Variants in MYPN observed in about 807,000 individuals in gnomAD.
MYPN encodes the protein myopalladin, also known as sarcomeric protein myopalladin, 145 kDa (MYOP).
A neutral mutation model predicts 129.4 loss-of-function variants in MYPN; 63 were observed. The ratio of observed to expected loss-of-function variants is 0.49; its 90% CI spans 0.40 to 0.60. The LOEUF (loss-of-function observed/expected upper bound fraction) is 0.60. Among genes scored for constraint, MYPN ranks in the 20% least tolerant of loss-of-function variants. MYPN has a pLI of 0.00. For synonymous variants in MYPN, 629 were observed against 600.9 expected (o/e 1.05, Z -0.68); for missense variants, 1,596 against 1,635.4 (o/e 0.98, Z 0.42).
Position 68,207,038 on chromosome 10 carries a change from AC to A in MYPN, c.3793+137del. ...TTTGGGAGGCCGAGGCAGGCAGATC[AC>A]CTGAGGTCAGGAGTTCAAGACCAGC... On this transcript the variant is annotated intron_variant, in intron 19 of 19. Coordinates refer to ENST00000358913, the MANE Select transcript of MYPN (RefSeq NM_032578.4). The A allele has an allele frequency of 2.7e-6, 3 of 1,092,060 alleles. No homozygotes were observed. The South Asian group carries it at 4.0e-5, about 15-fold the overall frequency. 67.6% of individuals were successfully genotyped at this position (1,092,060 alleles called of 1,614,324 possible).
Position 68,175,425 on chromosome 10 carries a change from A to G in MYPN, c.2667A>G (p.Lys889=). 1.2e-6 allele frequency: 2 copies of G among 1,614,210 alleles called. No homozygotes were observed. Among genetic ancestry groups the G allele is most frequent in the Non-Finnish European group, 1.7e-6 (2 of 1,180,016 alleles). ...TKNAVIRDLG[K]KITFSDVRPN... is the part of the protein sequence containing the mutation. ...ACGCAGTGATTCGAGACTTGGGGAA[A>G]AAAATAACTTTCAGTGATGTCAGAC... is the stretch of plus-strand genomic sequence containing the variant. Residue 889 remains lysine (K), a synonymous_variant, in exon 12 of 20, where the codon AAA becomes AAG. Coordinates refer to ENST00000358913, the MANE Select transcript of MYPN (RefSeq NM_032578.4).
chr10:68,187,744 G>A (rs1181335615), intron 12 of MYPN, among the ~76,000 whole-genome samples: 1 of 152,194 alleles, frequency 6.6e-6, no homozygotes, highest in African/African-American at 2.4e-5. Context: ...GATTGGATGA[G>A]CTCACCTAGA....
At chr10:68,098,837 C>G (rs1294480775) in intron 1 of MYPN, among the ~76,000 whole-genome samples, 1 of 151,106 alleles carries the variant, frequency 6.6e-6, no homozygotes, top group African/African-American at 2.5e-5. Context: ...GAGCAAGACT[C>G]TGTCTCAAAA....
chr10:68,099,507 C>T (rs575009235), intron 1 of MYPN, among the ~76,000 whole-genome samples: 30 of 152,116 alleles, frequency 2.0e-4, no homozygotes, highest in African/African-American at 4.1e-4. Context: ...TAGTGCCACG[C>T]GCCTGTCATC....
At chr10:68,207,692 T>C (rs2043839658) in intron 19 of MYPN, among the ~76,000 whole-genome samples, 1 of 152,222 alleles carries the variant, frequency 6.6e-6, no homozygotes, top group Admixed American at 6.5e-5. Context: ...ATTTGTAGGA[T>C]GACACATAGG....
At chr10:68,140,382 A>T (rs376300021) in intron 2 of MYPN, among the ~76,000 whole-genome samples, 30 of 152,188 alleles carry the variant, frequency 2.0e-4, no homozygotes, top group East Asian at 1.3e-3. Context: ...TTGCAAGAGC[A>T]TCCAAGACAC....
At chr10:68,205,866 A>C (rs2134333095) in intron 18 of MYPN, among the ~76,000 whole-genome samples, 1 of 152,380 alleles carries the variant, frequency 6.6e-6, no homozygotes, top group African/African-American at 2.4e-5. Flanking sequence ...GTGTTAGTGT[A>C]GTGAAATTGT....
intron 12 of MYPN, among the ~76,000 whole-genome samples, chr10:68,175,882 G>A (rs544097450): frequency 6.6e-6 from 1 of 152,008 alleles, no homozygotes; most frequent in African/African-American, 2.4e-5. Context: ...AGCTTCCCAA[G>A]TAGCTGAGAC....
At chr10:68,098,901 G>A (rs1268437646) in intron 1 of MYPN, among the ~76,000 whole-genome samples, 1 of 152,122 alleles carries the variant, frequency 6.6e-6, no homozygotes, top group African/African-American at 2.4e-5. Flanking sequence ...TCCCATAGTA[G>A]CCAGGGAAGA....
intron 12 of MYPN, among the ~76,000 whole-genome samples, chr10:68,177,842 C>T (rs1394512579): frequency 6.6e-6 from 1 of 152,148 alleles, no homozygotes; most frequent in African/African-American, 2.4e-5. Context: ...ATTTGTTTTG[C>T]TTTGAAAACT....
At chr10:68,196,725 T>C (rs2043612989) in intron 15 of MYPN, among the ~76,000 whole-genome samples, 5 of 152,050 alleles carry the variant, frequency 3.3e-5, no homozygotes, top group Admixed American at 3.3e-4. Flanking sequence ...GCTCAAGCAG[T>C]CAACCTGCTT....
intron 10 of MYPN, among the ~76,000 whole-genome samples, chr10:68,168,147 G>A (rs2043082870): frequency 6.6e-6 from 1 of 152,160 alleles, no homozygotes; most frequent in Non-Finnish European, 1.5e-5. Context: ...ATCATGATCT[G>A]TGTCAAGTAC....
At chr10:68,208,943 C>T (rs975229234) in intron 19 of MYPN, among the ~76,000 whole-genome samples, 1 of 152,176 alleles carries the variant, frequency 6.6e-6, no homozygotes, top group African/African-American at 2.4e-5. Flanking sequence ...AGAGACTGCG[C>T]AAGAGCAGGC....
At chr10:68,159,353 CAAT>C (rs1396148898) in intron 7 of MYPN, among the ~76,000 whole-genome samples, 1 of 152,196 alleles carries the variant, frequency 6.6e-6, no homozygotes, top group Non-Finnish European at 1.5e-5. Flanking sequence ...CCTTCACCAA[CAAT>C]GAGTGTTAAC....
At chr10:68,094,886 T>A (rs1365505176) in intron 1 of MYPN, among the ~76,000 whole-genome samples, 1 of 151,908 alleles carries the variant, frequency 6.6e-6, no homozygotes, top group Non-Finnish European at 1.5e-5. Context: ...ACATAGTGAA[T>A]CCCTGTCTCC....
In MYPN at chr10:68,099,490, C is replaced by G. The variant is rs12252316; in HGVS notation, c.-2+11498C>G. Among the ~76,000 whole-genome samples the G allele has an allele frequency of 4.0e-3, 606 of 152,130 alleles. 5 individuals carry two copies. Among genetic ancestry groups the G allele is most frequent in the African/African-American group, 0.014 (574 of 41,478 alleles). On this transcript the variant is annotated intron_variant, in intron 1 of 6. Transcript: ENST00000685154. ...TCTCTATTAAAAATACAAAAATTAG[C>G]TGGGCATAGTGCCACGCGCCTGTCA...
At chr10:68,141,543 T>C (rs1312936931) in intron 2 of MYPN, among the ~76,000 whole-genome samples, 5 of 152,126 alleles carry the variant, frequency 3.3e-5, no homozygotes. Context: ...TGTTGATTAA[T>C]AGTTATTATT....
upstream of MYPN, among the ~76,000 whole-genome samples, chr10:68,102,962 T>A (rs945155026): frequency 6.6e-6 from 1 of 152,208 alleles, no homozygotes; most frequent in African/African-American, 2.4e-5. Context: ...GGAAAGGAGA[T>A]CTAAGATATT....
In MYPN at chr10:68,158,522, G is replaced by A; in HGVS notation, c.1354G>A (p.Val452Ile). ...TTTGTCAGCTTCTGAGGGTCAGCTGGTTGTCTTTGAATGCAGAGTAAAAGG... is the reference window on the plus strand; with the variant it reads ...TTTGTCAGCTTCTGAGGGTCAGCTGATTGTCTTTGAATGCAGAGTAAAAGG... ...QNLSASEGQL[V>I]VFECRVKGAP... The change falls in exon 7 of 20, where the codon GTT becomes ATT. Residue 452 changes from valine to isoleucine, a missense_variant. Val to Ile is a conservative substitution (Grantham distance 29, BLOSUM62 3). Transcript: ENST00000358913. The A allele has an allele frequency of 6.2e-7, 1 of 1,614,028 alleles. No homozygotes were observed.
Sources: gnomAD v4.1 joint callset for allele counts (sites outside exome capture counted in the v4.1 genomes callset) on GRCh38, gnomAD v4.1.1 for gene constraint, MANE v1.5 for transcripts, NCBI Gene and HGNC (gene_info 2026-07-23, HGNC 2026-07-21) for gene names.